Variants in SPTBN1 observed in about 807,000 individuals in gnomAD.
SPTBN1 encodes the protein spectrin beta chain, non-erythrocytic 1.
SPTBN1 carries 32 observed loss-of-function variants against 266.4 expected under a neutral mutation model. The ratio of observed to expected loss-of-function variants is 0.12; its 90% confidence interval spans 0.09 to 0.16. The LOEUF is 0.16. Ranked by LOEUF, SPTBN1 falls within the 10% of genes least tolerant of loss-of-function variation. The probability of loss-of-function intolerance (pLI) is 1.00; values close to 1 mark genes in which losing one functional copy is unlikely to be tolerated. For missense variants in SPTBN1, 2,296 were observed against 3,067.1 expected, an observed-to-expected ratio of 0.75 and a Z score of 5.94; for synonymous variants, 1,336 against 1,162.2, an observed-to-expected ratio of 1.15 and a Z score of -3.04.
chr2:54,631,299 G>C lies in SPTBN1; in HGVS notation c.3252G>C (p.Ala1084=), dbSNP rs1678715125. 1 of 1,614,198 alleles carries C rather than the reference G, an allele frequency of 6.2e-7. No homozygotes were observed. The highest frequency in any genetic ancestry group is 2.2e-5 in the East Asian group (1 of 44,884). ...CCTGGCTCTCTAGGACCCAGACAGC[G>C]ATCGCCTCGGAGGACATGCCAAACA... The part of the protein sequence containing the change: ...FQSWLSRTQT[A]IASEDMPNTL... The change falls in exon 16 of 36, where the codon GCG becomes GCC. Residue 1084 remains alanine, a synonymous_variant. Coordinates refer to ENST00000356805, the MANE Select transcript of SPTBN1 (RefSeq NM_003128.3).
intron 1 of SPTBN1, among the ~76,000 whole-genome samples, chr2:54,456,834 G>A (rs1175344318): frequency 6.6e-6 from 1 of 151,330 alleles, no homozygotes; most frequent in Non-Finnish European, 1.5e-5. Context: ...CCCCGGCGCG[G>A]CGCGGCGATT....
chr2:54,608,779 A>G (rs1008206650), intron 3 of SPTBN1, among the ~76,000 whole-genome samples: 1 of 151,976 alleles, frequency 6.6e-6, no homozygotes, highest in African/African-American at 2.4e-5. Context: ...TGCCGCTGAA[A>G]ATCTTCCTAT....
At chr2:54,605,392 T>C (rs1172947806) in intron 3 of SPTBN1, among the ~76,000 whole-genome samples, 1 of 152,152 alleles carries the variant, frequency 6.6e-6, no homozygotes, top group South Asian at 2.1e-4. Flanking sequence ...GATTGCTTCA[T>C]CTCTCTGAGC....
At position 54,558,340 on chromosome 2, in the gene SPTBN1, G is replaced by T. The variant is rs1355695123; in HGVS notation, c.148+31774G>T. On this transcript the variant is annotated intron_variant, in intron 2 of 35. Coordinates refer to ENST00000356805, the MANE Select transcript of SPTBN1 (RefSeq NM_003128.3). The surrounding 1 kb of genome is among the most constrained non-coding windows in gnomAD (Gnocchi z 4.6). ...GTGACATCACCGCCCAGCACACGGCGAGTGGCTCCTGATAAAATTACAAAC... is the reference window on the plus strand; with the variant it reads ...GTGACATCACCGCCCAGCACACGGCTAGTGGCTCCTGATAAAATTACAAAC... The T allele has an allele frequency of 3.0e-6, 3 of 995,410 alleles. No individual in the cohort carries two copies. Among genetic ancestry groups the T allele is most frequent in the African/African-American group, 1.7e-5 (1 of 57,444 alleles). The allele number at this position is 995,410 out of a possible 1,614,324, so 61.7% of individuals were successfully genotyped here.
intron 28 of SPTBN1, 25 bp from the exon 29 acceptor site, chr2:54,655,889 C>G (rs375728078): frequency 1.3e-6 from 2 of 1,587,130 alleles, no homozygotes; most frequent in African/African-American, 2.7e-5. Flanking sequence ...ATTAAGATGT[C>G]CCGGGGATCC....
chr2:54,508,095 T>C lies in SPTBN1; in HGVS notation c.-47-18277T>C, dbSNP rs1448255293. 2.0e-5 allele frequency among the ~76,000 whole-genome samples: 3 copies of C among 152,244 alleles called. No homozygotes were observed. The East Asian group carries it at 5.8e-4, about 29-fold the overall frequency. On this transcript the variant is annotated intron_variant, in intron 1 of 35. Transcript: ENST00000356805. ...TAAAGAGAGACTTAAGGGTGGCAGT[T>C]TGAGGAAAAACCAGGTGCCACTGAA...
chr2:54,529,917 T>TA, intron 2 of SPTBN1: 1 of 357,014 alleles, frequency 2.8e-6, no homozygotes, highest in Non-Finnish European at 5.0e-6. Flanking sequence ...TGTGGTAGGC[T>TA]AACCACTTGA....
Position 54,649,255 on chromosome 2 carries a change from ATTCC to A in SPTBN1, c.5202+68_5202+71del. 6.7e-7 allele frequency: 1 copy of A among 1,491,908 alleles called. No individual in the cohort carries two copies. The highest frequency in any genetic ancestry group is 9.1e-7 in the Non-Finnish European group (1 of 1,097,884). The allele number at this position is 1,491,908 out of a possible 1,614,324, so 92.4% of individuals were successfully genotyped here. A position where few individuals can be genotyped will look rare whatever the true frequency, so the allele number is the denominator to read the frequency against. ...AGCGATGGTGTGGAAGGCCATTTGC[ATTCC>A]TTGTCTGTGAGCAGATAAAATGCCC... On this transcript the variant is annotated intron_variant, in intron 25 of 35. Coordinates refer to ENST00000356805, the MANE Select transcript of SPTBN1 (RefSeq NM_003128.3). This position sits in a 1 kb window ranked among gnomAD's most constrained non-coding sequence, Gnocchi z 6.7.
chr2:54,640,978 G>A (rs1679497500), intron 18 of SPTBN1, among the ~76,000 whole-genome samples: 1 of 152,226 alleles, frequency 6.6e-6, no homozygotes, highest in Non-Finnish European at 1.5e-5. Context: ...TTCCAGGAAG[G>A]CAGTATATCT....
chr2:54,591,671 G>A (rs550246714), intron 2 of SPTBN1, among the ~76,000 whole-genome samples: 1 of 152,046 alleles, frequency 6.6e-6, no homozygotes, highest in Admixed American at 6.5e-5. Context: ...TTCATTCCTG[G>A]CTCCCATCCC....
At chr2:54,656,150 T>A in intron 29 of SPTBN1, 152 bp downstream of exon 29, 1 of 612,430 alleles carries the variant, frequency 1.6e-6, no homozygotes, top group Admixed American at 3.1e-5. Flanking sequence ...TCATGGTAAA[T>A]ACTACTTTTA....
chr2:54,575,002 C>A (rs1403650249), intron 2 of SPTBN1, among the ~76,000 whole-genome samples: 1 of 152,108 alleles, frequency 6.6e-6, no homozygotes, highest in African/African-American at 2.4e-5. Context: ...ATTTAGCCAG[C>A]AAGTAAGAAA....
intron 2 of SPTBN1, among the ~76,000 whole-genome samples, chr2:54,582,586 A>G (rs570370097): frequency 5.3e-4 from 80 of 151,344 alleles, no homozygotes; most frequent in African/African-American, 1.9e-3. Context: ...AAAAAGAAAT[A>G]TGGAGGATTC....
chr2:54,634,002 C>T lies in SPTBN1; in HGVS notation c.3767+1234C>T, dbSNP rs547298292. Among the ~76,000 whole-genome samples, 3 of 152,286 alleles carry T rather than the reference C, an allele frequency of 2.0e-5. No homozygotes were observed. The South Asian group carries it at 6.2e-4, about 32-fold the overall frequency. ...CTGCAAAAAAGAAAAATAAATCCAC[C>T]AAACCCTCCTTAAATGAGCATGAGA... On this transcript the variant is annotated intron_variant, in intron 17 of 35. Transcript: ENST00000356805.
At chr2:54,574,408 G>C (rs576225463) in intron 2 of SPTBN1, among the ~76,000 whole-genome samples, 10 of 152,264 alleles carry the variant, frequency 6.6e-5, no homozygotes, top group African/African-American at 2.4e-4. Context: ...AGGATCTGGA[G>C]GGAGCAGTTG....
chr2:54,460,189 A>G (rs946112419), intron 1 of SPTBN1, among the ~76,000 whole-genome samples: 3 of 152,242 alleles, frequency 2.0e-5, no homozygotes, highest in South Asian at 2.1e-4. Context: ...AGTGAGTTGT[A>G]TGCACATTAA....
At chr2:54,590,983 G>A (rs183527294) in intron 2 of SPTBN1, among the ~76,000 whole-genome samples, 4 of 152,348 alleles carry the variant, frequency 2.6e-5, no homozygotes, top group African/African-American at 7.2e-5. Context: ...AGGCAGGGGA[G>A]TTCAGTTGGG....
At position 54,626,600 on chromosome 2, in the gene SPTBN1, A is replaced by G. The variant is rs1056633187; in HGVS notation, c.1644+366A>G. On this transcript the variant is annotated intron_variant, in intron 12 of 35. Coordinates refer to ENST00000356805, the MANE Select transcript of SPTBN1 (RefSeq NM_003128.3). The surrounding 1 kb of genome is among the most constrained non-coding windows in gnomAD (Gnocchi z 4.7). ...GTACTACTTTGGGCAGGGGTCCCGG[A>G]GAGGTGGTATGGGGAGAAGGGAGGA... 2.6e-5 allele frequency among the ~76,000 whole-genome samples: 4 copies of G among 152,070 alleles called. No homozygotes were observed. The highest frequency in any genetic ancestry group is 5.9e-5 in the Non-Finnish European group (4 of 68,012).
chr2:54,529,878 AAAAAAAG>A lies in SPTBN1; in HGVS notation c.148+3313_148+3319del, dbSNP rs1406089702. ...AAAAAAAAAAAAAAAAAAAAAAAAA[AAAAAAAG>A]GTCCACTTGATGTGGGAGTGGTGTG... On this transcript the variant is annotated intron_variant, in intron 2 of 35. Coordinates refer to ENST00000356805, the MANE Select transcript of SPTBN1 (RefSeq NM_003128.3). 3.6e-4 allele frequency: 144 copies of A among 396,698 alleles called. 7 individuals carry two copies. Among genetic ancestry groups the A allele is most frequent in the Non-Finnish European group, 5.9e-4 (124 of 211,548 alleles). 24.6% of individuals were successfully genotyped at this position (396,698 alleles called of 1,614,324 possible).
Sources: gnomAD v4.1 joint callset for allele counts (sites outside exome capture counted in the v4.1 genomes callset) on GRCh38, gnomAD v4.1.1 for gene constraint, Gnocchi (gnomAD v3.1) non-coding constraint, MANE v1.5 for transcripts, NCBI Gene and HGNC (gene_info 2026-07-23, HGNC 2026-07-21) for gene names.